NCKAP5: variants seen among roughly 807,000 people sequenced by gnomAD.
NCKAP5 encodes the protein NCK associated protein 5.
In NCKAP5, 92 loss-of-function variants were observed where a neutral mutation model predicts 167.0. The ratio of observed to expected loss-of-function variants is 0.55; its 90% CI spans 0.47 to 0.66. The LOEUF is 0.66. Ranked by LOEUF, NCKAP5 falls within the 30% of genes least tolerant of loss-of-function variation. The probability of loss-of-function intolerance (pLI) is 0.00; values close to 1 mark genes in which losing one functional copy is unlikely to be tolerated. For missense variants in NCKAP5, 2,378 were observed against 2,315.0 expected, an observed-to-expected ratio of 1.03 and a Z score of -0.56; for synonymous variants, 891 against 877.4, an observed-to-expected ratio of 1.02 and a Z score of -0.27.
intron 2 of NCKAP5, among the ~76,000 whole-genome samples, chr2:133,533,677 G>A (rs1230813916): frequency 6.6e-6 from 1 of 152,192 alleles, no homozygotes; most frequent in Non-Finnish European, 1.5e-5. Context: ...AAGTCAAAAT[G>A]TGGAAGCAAT....
intron 5 of NCKAP5, among the ~76,000 whole-genome samples, chr2:133,135,569 C>T (rs1002116872): frequency 2.6e-5 from 4 of 151,906 alleles, no homozygotes; most frequent in South Asian, 2.1e-4. Context: ...AAAGAACTAA[C>T]AGGCTAAATT....
chr2:133,479,932 CTTTTTTT>C (rs11368084), intron 3 of NCKAP5, among the ~76,000 whole-genome samples: 8 of 133,598 alleles, frequency 6.0e-5, no homozygotes, highest in Admixed American at 6.0e-4. Flanking sequence ...TTTCTTTTTC[CTTTTTTT>C]TTTTTTTTTT....
chr2:133,380,142 G>GCAGA (rs1299286516), intron 3 of NCKAP5, among the ~76,000 whole-genome samples: 13 of 152,040 alleles, frequency 8.6e-5, no homozygotes, highest in Admixed American at 6.6e-5. Flanking sequence ...ATATTTATGT[G>GCAGA]CAGACAGACA....
chr2:132,918,145 C>T lies in NCKAP5; in HGVS notation c.580-39229G>A, dbSNP rs889337573. Among the ~76,000 whole-genome samples the T allele has an allele frequency of 1.7e-3, 260 of 152,250 alleles. 2 individuals are homozygous for T. Among genetic ancestry groups the T allele is most frequent in the African/African-American group, 6.2e-3 (256 of 41,544 alleles). On this transcript the variant is annotated intron_variant, in intron 8 of 19. Coordinates refer to ENST00000409261, the MANE Select transcript of NCKAP5 (RefSeq NM_207363.3). Reference sequence around the variant, plus strand: ...ATGGGTTGGGAAACTTTCAATTTCTCCTTAATAACTCATCACTATAAATCA... The same window carrying T: ...ATGGGTTGGGAAACTTTCAATTTCTTCTTAATAACTCATCACTATAAATCA...
Position 133,470,586 on chromosome 2 carries a change from A to T in NCKAP5, c.69+46872T>A, listed in dbSNP as rs548380050. On this transcript the variant is annotated intron_variant, in intron 3 of 19. Transcript: ENST00000409261. ...TTTGTTTACCTAATCAAGGCTGGGC[A>T]ATGGCGGGTGCCCCTCCCCCAGCCT... is the stretch of plus-strand genomic sequence containing the variant. Among the ~76,000 whole-genome samples, 7 of 152,346 alleles carry T rather than the reference A, an allele frequency of 4.6e-5. No individual in the cohort carries two copies. In the East Asian group the frequency reaches 1.4e-3, roughly 29 times the overall value.
At chr2:133,465,708 G>GCAA (rs2151254479) in intron 3 of NCKAP5, among the ~76,000 whole-genome samples, 1 of 152,140 alleles carries the variant, frequency 6.6e-6, no homozygotes, top group East Asian at 1.9e-4. Context: ...ATTCTAACTG[G>GCAA]TGTGAGATGG....
the NCKAP5 span, among the ~76,000 whole-genome samples, chr2:133,670,615 G>C: frequency 1.3e-5 from 2 of 152,274 alleles, no homozygotes; most frequent in East Asian, 3.9e-4. Flanking sequence ...TGATGAACAA[G>C]GTCCCTACCC....
At chr2:133,246,072 C>T (rs981795749) in intron 4 of NCKAP5, among the ~76,000 whole-genome samples, 3 of 151,924 alleles carry the variant, frequency 2.0e-5, no homozygotes, top group Non-Finnish European at 2.9e-5. Context: ...CGAATGTGAC[C>T]GTGGAGTGGA....
intron 5 of NCKAP5, among the ~76,000 whole-genome samples, chr2:133,192,178 A>C (rs751697595): frequency 1.3e-5 from 2 of 152,114 alleles, no homozygotes; most frequent in Non-Finnish European, 2.9e-5. Flanking sequence ...CAAATATGCA[A>C]AAGTAATTCC....
intron 2 of NCKAP5, among the ~76,000 whole-genome samples, chr2:133,531,795 T>C (rs1251895763): frequency 6.6e-6 from 1 of 152,192 alleles, no homozygotes; most frequent in Non-Finnish European, 1.5e-5. Flanking sequence ...AAGTTAAACA[T>C]ACTGAAAAGT....
the NCKAP5 span, chr2:133,596,066 T>C: frequency 6.6e-6 from 1 of 152,484 alleles, no homozygotes; most frequent in South Asian, 2.1e-4. Context: ...GAACCATTCT[T>C]AGCTTGTGGG....
intron 8 of NCKAP5, among the ~76,000 whole-genome samples, chr2:132,920,075 G>A (rs1324691265): frequency 6.6e-6 from 1 of 152,114 alleles, no homozygotes; most frequent in East Asian, 1.9e-4. Context: ...ACATTGCCCA[G>A]CTGACTGGAC....
At chr2:133,539,097 C>A (rs1223969624) in intron 2 of NCKAP5, among the ~76,000 whole-genome samples, 3 of 151,814 alleles carry the variant, frequency 2.0e-5, no homozygotes, top group Non-Finnish European at 4.4e-5. Flanking sequence ...CCAGCCACCA[C>A]GCCCGGCTAA....
chr2:133,564,823 G>T (rs977364034), intron 1 of NCKAP5, among the ~76,000 whole-genome samples: 4 of 152,166 alleles, frequency 2.6e-5, no homozygotes, highest in African/African-American at 9.7e-5. Context: ...GGTAGGCACA[G>T]GGCAGGAGTC....
At chr2:132,860,466 A>C (rs780912091) in intron 11 of NCKAP5, 26 bp downstream of exon 11, 4 of 1,553,134 alleles carry the variant, frequency 2.6e-6, no homozygotes, top group South Asian at 2.4e-5. Context: ...TCAGTAGCAA[A>C]GATTGTTTTC....
At chr2:133,347,425 T>C (rs1225430073) in intron 3 of NCKAP5, among the ~76,000 whole-genome samples, 1 of 152,010 alleles carries the variant, frequency 6.6e-6, no homozygotes, top group African/African-American at 2.4e-5. Context: ...TGGTGGCACA[T>C]TCCTTTAATC....
the NCKAP5 span, among the ~76,000 whole-genome samples, chr2:133,593,950 C>T: frequency 1.3e-5 from 2 of 152,182 alleles, no homozygotes; most frequent in African/African-American, 4.8e-5. Flanking sequence ...AGGTCCCCTC[C>T]GAAGAGCCCA....
chr2:132,751,301 G>T (rs993572021), intron 16 of NCKAP5, among the ~76,000 whole-genome samples: 8 of 152,062 alleles, frequency 5.3e-5, no homozygotes, highest in African/African-American at 1.7e-4. Flanking sequence ...GCCATGTGGT[G>T]CCTGCTTCCC....
rs577040771 is a variant in NCKAP5, at chr2:133,297,241, T to C, written c.143+5796A>G. On this transcript the variant is annotated intron_variant, in intron 4 of 19. Coordinates refer to ENST00000409261, the MANE Select transcript of NCKAP5 (RefSeq NM_207363.3). The stretch of plus-strand genomic sequence containing the variant: ...ATCAAGCAGGGAGATACAGAGCAGA[T>C]TAAACTCACCCCGACTTATGCTCAA... Among the ~76,000 whole-genome samples, 5 of 150,602 alleles carry C rather than the reference T, an allele frequency of 3.3e-5. No homozygotes were observed. In the East Asian group the frequency reaches 9.8e-4, roughly 30 times the overall value.
Sources: allele counts gnomAD v4.1 joint callset (sites outside exome capture counted in the v4.1 genomes callset), GRCh38; gene constraint gnomAD v4.1.1; transcripts MANE v1.5; gene names NCBI Gene and HGNC (gene_info 2026-07-23, HGNC 2026-07-21).